Variants in REV3L observed in about 807,000 individuals in gnomAD.
The protein encoded by REV3L is DNA polymerase zeta catalytic subunit.
REV3L carries 69 observed loss-of-function variants against 299.4 expected under a neutral mutation model. That is an observed-to-expected ratio of 0.23 (90% CI 0.19 to 0.28). The LOEUF (loss-of-function observed/expected upper bound fraction) is 0.28. Ranked by LOEUF, REV3L falls within the 10% of genes least tolerant of loss-of-function variation. The pLI is 1.00. For missense variants in REV3L, 3,128 were observed against 3,693.8 expected, an observed-to-expected ratio of 0.85 and a Z score of 3.97; for synonymous variants, 1,238 against 1,271.4, an observed-to-expected ratio of 0.97 and a Z score of 0.56.
chr6:111,365,257 A>G lies in REV3L; in HGVS notation c.6753+8T>C, dbSNP rs1401697874. 19 of 1,434,040 alleles carry G rather than the reference A, an allele frequency of 1.3e-5. No individual in the cohort carries two copies. The highest frequency in any genetic ancestry group is 1.8e-5 in the Non-Finnish European group (19 of 1,052,226). The allele number at this position is 1,434,040 out of a possible 1,614,324, so 88.8% of individuals were successfully genotyped here. On this transcript the variant is annotated splice_region_variant and intron_variant, in intron 15 of 31. Coordinates refer to ENST00000368802, the MANE Select transcript of REV3L (RefSeq NM_001372078.1). ...CCACTGATCTTTAAAAATGTTTAGT[A>G]TAGTTACCTTTGCTTGTGTTAACAG...
intron 26 of REV3L, among the ~76,000 whole-genome samples, chr6:111,317,847 CTT>C (rs1416502317): frequency 6.6e-6 from 1 of 152,096 alleles, no homozygotes; most frequent in African/African-American, 2.4e-5. Flanking sequence ...AGTATGTACT[CTT>C]TTATATCTGT....
chr6:111,406,014 T>C (rs897309915), intron 3 of REV3L, among the ~76,000 whole-genome samples: 2 of 152,200 alleles, frequency 1.3e-5, no homozygotes, highest in African/African-American at 4.8e-5. Flanking sequence ...TATTGCCATT[T>C]TGATATTTTT....
At chr6:111,442,179 A>C (rs1304960508) in intron 1 of REV3L, among the ~76,000 whole-genome samples, 1 of 152,226 alleles carries the variant, frequency 6.6e-6, no homozygotes, top group Non-Finnish European at 1.5e-5. Context: ...GTTGGTTGAC[A>C]GTGTTGTTCA....
At chr6:111,395,394 A>C (rs1408750346) in intron 4 of REV3L, among the ~76,000 whole-genome samples, 1 of 152,158 alleles carries the variant, frequency 6.6e-6, no homozygotes, top group Non-Finnish European at 1.5e-5. Flanking sequence ...TAATTTTATC[A>C]GTAATTTCTA....
At chr6:111,472,021 G>A (rs1792280594) in intron 1 of REV3L, 3 of 933,292 alleles carry the variant, frequency 3.2e-6, no homozygotes, top group Non-Finnish European at 4.2e-6. Context: ...ACTTGAAATT[G>A]AGAAAAACAA....
rs1582699766 is a variant in REV3L, at chr6:111,365,360, T to G, written c.6674-16A>C. 1 of 1,453,702 alleles carries G rather than the reference T, an allele frequency of 6.9e-7. No individual in the cohort carries two copies. Among genetic ancestry groups the G allele is most frequent in the Non-Finnish European group, 9.4e-7 (1 of 1,067,392 alleles). The allele number at this position is 1,453,702 out of a possible 1,614,324, so 90.1% of individuals were successfully genotyped here. On this transcript the variant is annotated splice_polypyrimidine_tract_variant and intron_variant, in intron 14 of 31. Transcript: ENST00000368802. ...GTTTTTGGTTCTGTAGAAAGAAATT[T>G]AATATTTAACATGTATATCAAAATT...
Position 111,310,781 on chromosome 6 carries a change from GAAC to G in REV3L, c.8795+285_8795+287del, listed in dbSNP as rs569942685. On this transcript the variant is annotated intron_variant, in intron 29 of 31. Coordinates refer to ENST00000368802, the MANE Select transcript of REV3L (RefSeq NM_001372078.1). ...ATGATACCATCTAAATGCTTTGGTA[GAAC>G]AATATTAAGGACTACCTAGTGATTT... 9.9e-5 allele frequency: 30 copies of G among 301,984 alleles called. No homozygotes were observed. In the South Asian group the frequency reaches 4.4e-3, roughly 44 times the overall value. 18.7% of individuals were successfully genotyped at this position (301,984 alleles called of 1,614,324 possible).
Position 111,375,048 on chromosome 6 carries a change from A to C in REV3L, c.3307T>G (p.Tyr1103Asp). 2 of 1,614,058 alleles carry C rather than the reference A, an allele frequency of 1.2e-6. No individual in the cohort carries two copies. Among genetic ancestry groups the C allele is most frequent in the South Asian group, 2.2e-5 (2 of 91,060 alleles). ...NAETEDCDLN[Y>D]SDVMSKLGFL... ...CCTAGTTTAGACATAACATCACTAT[A>C]ATTCAGGTCACAATCTTCGGTTTCA... The change falls in exon 13 of 32, where the codon TAT (tyrosine) becomes GAT (aspartate). Residue 1103 changes from tyrosine (Y) to aspartate (D), a missense_variant. Around this residue, in one of 9 missense-constraint regions of REV3L, gnomAD observed 2,409 missense variants for 2,611.8 expected, o/e 0.92. Transcript: ENST00000368802.
intron 1 of REV3L, among the ~76,000 whole-genome samples, chr6:111,432,664 G>C (rs1290127035): frequency 6.6e-6 from 1 of 152,084 alleles, no homozygotes. Context: ...AATCAAGAAA[G>C]AACACTGGAG....
intron 2 of REV3L, 81 bp from the exon 3 acceptor site, chr6:111,411,635 C>T: frequency 2.2e-6 from 2 of 914,378 alleles, no homozygotes; most frequent in Non-Finnish European, 3.3e-6. Flanking sequence ...TAATTAGATT[C>T]AGCTGGCCAA....
intron 5 of REV3L, among the ~76,000 whole-genome samples, chr6:111,390,622 C>G (rs1315810847): frequency 1.3e-5 from 2 of 152,098 alleles, no homozygotes; most frequent in Non-Finnish European, 2.9e-5. Flanking sequence ...GGTGAGCACA[C>G]TGAGAAATGG....
intron 1 of REV3L, among the ~76,000 whole-genome samples, chr6:111,464,890 T>C (rs557146546): frequency 6.6e-6 from 1 of 151,860 alleles, no homozygotes; most frequent in East Asian, 2.0e-4. Flanking sequence ...TAGTCCCAGC[T>C]ACTTGGGAGG....
chr6:111,480,438 A>C (rs149364460), intron 1 of REV3L, among the ~76,000 whole-genome samples: 1 of 152,260 alleles, frequency 6.6e-6, no homozygotes, highest in Admixed American at 6.5e-5. Flanking sequence ...TTCAAGTTTT[A>C]TTTTATTGGA....
intron 19 of REV3L, among the ~76,000 whole-genome samples, chr6:111,351,027 G>A (rs1777522816): frequency 6.6e-6 from 1 of 151,940 alleles, no homozygotes; most frequent in African/African-American, 2.4e-5. Flanking sequence ...AAAATCCTAT[G>A]TTTATAAAGA....
At chr6:111,383,613 C>A (rs1024028839) in intron 9 of REV3L, among the ~76,000 whole-genome samples, 2 of 151,870 alleles carry the variant, frequency 1.3e-5, no homozygotes, top group African/African-American at 4.8e-5. Flanking sequence ...GAAGAGTACA[C>A]CAAAAAATGG....
intron 1 of REV3L, chr6:111,431,035 G>C (rs1786855900): frequency 1.3e-6 from 2 of 1,545,254 alleles, no homozygotes; most frequent in East Asian, 4.5e-5. Context: ...TTTGAATTAT[G>C]GGCCCTACAG....
At chr6:111,473,036 T>A (rs1583127084) in intron 1 of REV3L, among the ~76,000 whole-genome samples, 2 of 152,194 alleles carry the variant, frequency 1.3e-5, no homozygotes, top group African/African-American at 4.8e-5. Context: ...ACTCCCATTA[T>A]TTCCTCTTAT....
At chr6:111,405,199 T>C (rs1005738932) in intron 4 of REV3L, among the ~76,000 whole-genome samples, 1 of 152,120 alleles carries the variant, frequency 6.6e-6, no homozygotes, top group Non-Finnish European at 1.5e-5. Context: ...CCACAATACC[T>C]TTTAGGTAGC....
At chr6:111,459,228 T>C (rs1196822116) in intron 1 of REV3L, among the ~76,000 whole-genome samples, 4 of 152,076 alleles carry the variant, frequency 2.6e-5, no homozygotes, top group Non-Finnish European at 4.4e-5. Flanking sequence ...TGGCTAGCCA[T>C]ATGCAGAAGA....
Sources: allele counts gnomAD v4.1 joint callset (sites outside exome capture counted in the v4.1 genomes callset), GRCh38; gene constraint gnomAD v4.1.1; regional missense constraint gnomAD v4.1.1; transcripts MANE v1.5; gene names NCBI Gene and HGNC (gene_info 2026-07-23, HGNC 2026-07-21).